The following WNK1 variants were observed in gnomAD, a reference collection of about 807,000 sequenced individuals.
The protein encoded by WNK1 is WNK lysine deficient protein kinase 1.
A neutral mutation model predicts 222.8 loss-of-function variants in WNK1; 38 were observed. That is an observed-to-expected ratio of 0.17 (90% CI 0.13 to 0.22). The LOEUF (loss-of-function observed/expected upper bound fraction) is 0.22. Ranked by LOEUF, WNK1 falls within the 10% of genes least tolerant of loss-of-function variation. WNK1 has a pLI of 1.00. For missense variants in WNK1, 2,348 were observed against 2,918.4 expected, an observed-to-expected ratio of 0.80 and a Z score of 4.50; for synonymous variants, 1,090 against 1,092.9, an observed-to-expected ratio of 1.00 and a Z score of 0.05.
At chr12:764,022 A>C (rs1941370183) in intron 1 of WNK1, among the ~76,000 whole-genome samples, 1 of 147,678 alleles carries the variant, frequency 6.8e-6, no homozygotes, top group South Asian at 2.2e-4. Context: ...TGGATATATT[A>C]CTAAAACTTG....
chr12:866,381 G>C (rs1031917376), intron 8 of WNK1, among the ~76,000 whole-genome samples: 1 of 152,054 alleles, frequency 6.6e-6, no homozygotes, highest in Non-Finnish European at 1.5e-5. Context: ...TTTATGTTTT[G>C]GAGATGGAAT....
chr12:817,917 A>C (rs1407212683), intron 2 of WNK1, among the ~76,000 whole-genome samples: 1 of 152,140 alleles, frequency 6.6e-6, no homozygotes, highest in Non-Finnish European at 1.5e-5. Flanking sequence ...GTGCCACTGC[A>C]CTCTAGCCTG....
In WNK1 at chr12:830,273, A is replaced by G; in HGVS notation, c.1311+113A>G. The stretch of plus-strand genomic sequence containing the variant: ...ACAATAGTGGAAGGCATACTGAGTG[A>G]ACTGTTGGGGTTGGGGGGGTGGTGT... On this transcript the variant is annotated intron_variant, in intron 4 of 27. Transcript: ENST00000315939. The G allele has an allele frequency of 4.0e-6, 5 of 1,239,616 alleles. No homozygotes were observed. In the South Asian group the frequency reaches 6.3e-5, roughly 16 times the overall value. 76.8% of individuals were successfully genotyped at this position (1,239,616 alleles called of 1,614,324 possible).
chr12:833,294 C>T (rs1339264796), intron 4 of WNK1, among the ~76,000 whole-genome samples: 1 of 152,090 alleles, frequency 6.6e-6, no homozygotes, highest in Admixed American at 6.6e-5. Flanking sequence ...TTTTTTATTT[C>T]ACTTAAACTT....
Position 753,061 on chromosome 12 carries a change from C to T in WNK1, c.-505C>T, listed in dbSNP as rs972129630. On this transcript the variant is annotated 5_prime_UTR_variant, in exon 1 of 28. Transcript: ENST00000315939. The surrounding 1 kb of genome is among the most constrained non-coding windows in gnomAD (Gnocchi z 5.2). ...CTCGCCCGCCTCGGCCCCTCCCACT[C>T]CTCTGCCCCGGGGCCGCCACCGCCC... is the stretch of plus-strand genomic sequence containing the variant. 3 of 152,126 alleles carry T rather than the reference C, an allele frequency of 2.0e-5. No individual in the cohort carries two copies. The highest frequency in any genetic ancestry group is 6.6e-5 in the Admixed American group (1 of 15,262). The allele number at this position is 152,126 out of a possible 1,614,324, so 9.4% of individuals were successfully genotyped here.
intron 10 of WNK1, 131 bp downstream of exon 10, chr12:878,492 G>C (rs1952825331): frequency 1.0e-6 from 1 of 993,408 alleles, no homozygotes; most frequent in African/African-American, 1.6e-5. Context: ...ACCAACCCTT[G>C]AAGTAGGTTA....
chr12:830,711 T>TA (rs1948726226), intron 4 of WNK1, among the ~76,000 whole-genome samples: 3 of 152,360 alleles, frequency 2.0e-5, no homozygotes, highest in African/African-American at 7.2e-5. Flanking sequence ...AAGGTAGTTG[T>TA]TATGATTCAT....
intron 7 of WNK1, 140 bp downstream of exon 7, chr12:861,483 G>T: frequency 1.3e-6 from 1 of 765,088 alleles, no homozygotes; most frequent in Non-Finnish European, 2.2e-6. Context: ...TTGTCGTCTA[G>T]CTTCTCTTTA....
At chr12:874,200 C>A (rs1255254814) in intron 9 of WNK1, among the ~76,000 whole-genome samples, 1 of 151,940 alleles carries the variant, frequency 6.6e-6, no homozygotes, top group Non-Finnish European at 1.5e-5. Context: ...CCCTACTATC[C>A]ATAAAGTCTG....
rs189216684 is a variant in WNK1, at chr12:826,297, G to A, written c.933-745G>A. Among the ~76,000 whole-genome samples, 282 of 152,298 alleles carry A rather than the reference G, an allele frequency of 1.9e-3. 4 individuals are homozygous for A. Among genetic ancestry groups the A allele is most frequent in the African/African-American group, 6.7e-3 (278 of 41,568 alleles). ...AATCTACATTTGAGTAGTCACATTT[G>A]GCTAGTGGCAACTTTATTGGACAGA... On this transcript the variant is annotated intron_variant, in intron 2 of 27. Transcript: ENST00000315939.
rs1953426956 is a variant in WNK1 at position 884,003 on chromosome 12, G to C, written c.3722-118G>C. 9 of 1,532,022 alleles carry C rather than the reference G, an allele frequency of 5.9e-6. No individual in the cohort carries two copies. Among genetic ancestry groups the C allele is most frequent in the Middle Eastern group, 2.0e-4 (1 of 5,048 alleles). The allele number at this position is 1,532,022 out of a possible 1,614,324, so 94.9% of individuals were successfully genotyped here. A position where few individuals can be genotyped will look rare whatever the true frequency, so the allele number is the denominator to read the frequency against. On this transcript the variant is annotated intron_variant, in intron 17 of 27. Transcript: ENST00000315939. The surrounding 1 kb of genome is among the most constrained non-coding windows in gnomAD (Gnocchi z 5.6). Reference sequence around the variant, plus strand: ...AGATCGCGCCACTGCACTCCAGCCTGGGTGAGAGAATGAGACCGTGCCTCA... The same window carrying C: ...AGATCGCGCCACTGCACTCCAGCCTCGGTGAGAGAATGAGACCGTGCCTCA...
chr12:798,064 A>T (rs1290431887), intron 1 of WNK1, among the ~76,000 whole-genome samples: 1 of 152,140 alleles, frequency 6.6e-6, no homozygotes, highest in African/African-American at 2.4e-5. Flanking sequence ...AGTGAAAATC[A>T]ATTGTGTCTG....
chr12:805,961 A>G (rs993347622), intron 1 of WNK1, among the ~76,000 whole-genome samples: 7 of 152,202 alleles, frequency 4.6e-5, no homozygotes, highest in African/African-American at 1.7e-4. Flanking sequence ...GATAATATCG[A>G]TAGTCCAAAA....
intron 2 of WNK1, among the ~76,000 whole-genome samples, chr12:816,994 C>T (rs979868448): frequency 6.6e-6 from 1 of 152,094 alleles, no homozygotes; most frequent in Non-Finnish European, 1.5e-5. Context: ...AAAAGACAGG[C>T]ATAATTTAAA....
Position 877,052 on chromosome 12 carries a change from ATTTTTTTTTTTTTT to A in WNK1, c.2224-1146_2224-1133del, listed in dbSNP as rs34011207. 1.9e-4 allele frequency among the ~76,000 whole-genome samples: 15 copies of A among 77,132 alleles called. No individual in the cohort carries two copies. The East Asian group carries it at 3.6e-3, about 19-fold the overall frequency. 50.6% of individuals were successfully genotyped at this position (77,132 alleles called of 152,430 possible). On this transcript the variant is annotated intron_variant, in intron 9 of 27. Transcript: ENST00000315939. ...ATCTTGAAAGTCAGCCCTAAACTTC[ATTTTTTTTTTTTTT>A]TTTTTTTTTTTTTGGAGACAGAGTT...
Position 878,086 on chromosome 12 carries a change from G to T in WNK1, c.2224-126G>T, listed in dbSNP as rs530456175. The T allele has an allele frequency of 5.7e-6, 7 of 1,233,362 alleles. No individual in the cohort carries two copies. The East Asian group carries it at 1.5e-4, about 26-fold the overall frequency. 76.4% of individuals were successfully genotyped at this position (1,233,362 alleles called of 1,614,324 possible). A position where few individuals can be genotyped will look rare whatever the true frequency, so the allele number is the denominator to read the frequency against. ...AATGGAAATTGATGAATTTGGGTTT[G>T]TGCATGTCTTGATTACTAAAATCAT... On this transcript the variant is annotated intron_variant, in intron 9 of 27. Transcript: ENST00000315939.
intron 4 of WNK1, among the ~76,000 whole-genome samples, chr12:845,396 T>C (rs1272097300): frequency 2.6e-5 from 4 of 152,230 alleles, no homozygotes; most frequent in African/African-American, 9.6e-5. Flanking sequence ...TTTCTGGTTT[T>C]CATCCCAGGT....
rs769918304 is a variant in WNK1, at chr12:862,065, G to A, written c.1952-18G>A. 5.4e-5 allele frequency: 87 copies of A among 1,612,604 alleles called. 1 individual carries two copies. The highest frequency in any genetic ancestry group is 5.1e-4 in the Middle Eastern group (3 of 5,924). On this transcript the variant is annotated intron_variant, in intron 7 of 27. Coordinates refer to ENST00000315939, the MANE Select transcript of WNK1 (RefSeq NM_018979.4). ...TCTTTCTCTCTCTCTTTTTTTTGGCGATTCATTTTTCCTTCAGCTGATGGG... is the reference window on the plus strand; with the variant it reads ...TCTTTCTCTCTCTCTTTTTTTTGGCAATTCATTTTTCCTTCAGCTGATGGG...
Position 753,965 on chromosome 12 carries a change from G to T in WNK1, c.400G>T (p.Ala134Ser). Residue 134 changes from alanine to serine, a missense_variant, in exon 1 of 28, where the codon GCC becomes TCC. Around this residue, in one of 13 missense-constraint regions of WNK1, gnomAD observed 185 missense variants for 159.2 expected, o/e 1.16. Coordinates refer to ENST00000315939, the MANE Select transcript of WNK1 (RefSeq NM_018979.4). This position sits in a 1 kb window ranked among gnomAD's most constrained non-coding sequence, Gnocchi z 5.2. ...TVTATATSQV[A>S]QQPPAAAAPG... ...GACCGCCACCGCCACTTCCCAGGTA[G>T]CCCAGCAGCCTCCAGCCGCTGCCGC... The T allele has an allele frequency of 6.2e-7, 1 of 1,600,178 alleles. No homozygotes were observed. The highest frequency in any genetic ancestry group is 1.7e-5 in the Admixed American group (1 of 57,768).
Sources: gnomAD v4.1 joint callset for allele counts (sites outside exome capture counted in the v4.1 genomes callset) on GRCh38, gnomAD v4.1.1 for gene constraint, gnomAD v4.1.1 regional missense constraint, Gnocchi (gnomAD v3.1) non-coding constraint, MANE v1.5 for transcripts, NCBI Gene and HGNC (gene_info 2026-07-23, HGNC 2026-07-21) for gene names.